PCDH15: variants seen among roughly 807,000 people sequenced by gnomAD.
The protein encoded by PCDH15 is protocadherin related 15.
In PCDH15, 129 loss-of-function variants were observed where a neutral mutation model predicts 178.5. The ratio of observed to expected loss-of-function variants is 0.72; its 90% confidence interval spans 0.63 to 0.84. The LOEUF (loss-of-function observed/expected upper bound fraction) is 0.84. Among genes scored for constraint, PCDH15 ranks in the 40% least tolerant of loss-of-function variants. The pLI, the probability that PCDH15 is intolerant of heterozygous loss-of-function variation, is 0.00. For synonymous variants in PCDH15, 800 were observed against 732.0 expected, an observed-to-expected ratio of 1.09 and a Z score of -1.50; for missense variants, 2,230 against 2,099.9, an observed-to-expected ratio of 1.06 and a Z score of -1.21.
intron 3 of PCDH15, among the ~76,000 whole-genome samples, chr10:54,426,825 A>G (rs2135934365): frequency 6.6e-6 from 1 of 152,192 alleles, no homozygotes; most frequent in South Asian, 2.1e-4. Flanking sequence ...AGTTATCAAA[A>G]TCTATCTACT....
At chr10:53,835,559 T>G (rs528550442) in intron 29 of PCDH15, among the ~76,000 whole-genome samples, 1 of 151,988 alleles carries the variant, frequency 6.6e-6, no homozygotes, top group Admixed American at 6.6e-5. Context: ...TGAGTGACAA[T>G]TAGGATAATT....
At chr10:55,183,780 T>G (rs1002706396) in intron 1 of PCDH15, among the ~76,000 whole-genome samples, 7 of 151,936 alleles carry the variant, frequency 4.6e-5, no homozygotes, top group Non-Finnish European at 1.0e-4. Flanking sequence ...GTATGTGGGA[T>G]GACCACACGT....
At chr10:55,625,774 C>A (rs535086877) in intron 2 of PCDH15, among the ~76,000 whole-genome samples, 1 of 152,266 alleles carries the variant, frequency 6.6e-6, no homozygotes. Flanking sequence ...CTTCTACACA[C>A]ACACTCTCTC....
At chr10:53,817,516 C>T (rs1263919144) in intron 34 of PCDH15, among the ~76,000 whole-genome samples, 29 of 131,774 alleles carry the variant, frequency 2.2e-4, no homozygotes, top group South Asian at 2.4e-4. Flanking sequence ...TTTTCTTTTT[C>T]TTTTTTTTTT....
chr10:54,227,566 T>C (rs1196913095), intron 9 of PCDH15, among the ~76,000 whole-genome samples: 1 of 152,184 alleles, frequency 6.6e-6, no homozygotes, highest in African/African-American at 2.4e-5. Context: ...GAGACGTTTT[T>C]CCCATTATCT....
intron 1 of PCDH15, among the ~76,000 whole-genome samples, chr10:55,191,045 G>A (rs1839931548): frequency 6.6e-6 from 1 of 151,634 alleles, no homozygotes; most frequent in Non-Finnish European, 1.5e-5. Context: ...AAGAGTTAAA[G>A]TAATATTGTT....
chr10:54,361,842 T>C (rs755350349), intron 5 of PCDH15, among the ~76,000 whole-genome samples: 3 of 152,120 alleles, frequency 2.0e-5, no homozygotes, highest in African/African-American at 4.8e-5. Flanking sequence ...ATTTTCTCTA[T>C]GTACTCAAGC....
At chr10:54,100,803 C>T (rs996284080) in intron 15 of PCDH15, among the ~76,000 whole-genome samples, 2 of 151,896 alleles carry the variant, frequency 1.3e-5, no homozygotes, top group Non-Finnish European at 2.9e-5. Flanking sequence ...GATAGTACAT[C>T]AAATTCCCGG....
chr10:54,712,902 A>G (rs1212274867), intron 1 of PCDH15, among the ~76,000 whole-genome samples: 1 of 152,086 alleles, frequency 6.6e-6, no homozygotes, highest in East Asian at 1.9e-4. Flanking sequence ...ACTATGCAGT[A>G]AAACAGATTT....
intron 2 of PCDH15, among the ~76,000 whole-genome samples, chr10:55,041,307 G>C (rs1021850665): frequency 1.8e-4 from 28 of 152,124 alleles, no homozygotes; most frequent in Admixed American, 1.8e-3. Context: ...AGTGAGAAAA[G>C]TTGTAGTGAC....
chr10:53,965,398 A>T (rs1027070863), intron 21 of PCDH15, among the ~76,000 whole-genome samples: 1 of 152,164 alleles, frequency 6.6e-6, no homozygotes, highest in Non-Finnish European at 1.5e-5. Flanking sequence ...CTAGGCTTTA[A>T]GAATTATCTT....
intron 1 of PCDH15, among the ~76,000 whole-genome samples, chr10:54,681,556 A>C (rs2094899206): frequency 6.6e-6 from 1 of 152,286 alleles, no homozygotes; most frequent in Non-Finnish European, 1.5e-5. Flanking sequence ...GAGGAAGATA[A>C]GGATTGAGGA....
intron 8 of PCDH15, among the ~76,000 whole-genome samples, chr10:54,304,870 T>G (rs1044910370): frequency 2.0e-5 from 3 of 151,928 alleles, no homozygotes; most frequent in African/African-American, 7.2e-5. Flanking sequence ...ATTTCCCTTT[T>G]TTTTTGTATG....
intron 2 of PCDH15, among the ~76,000 whole-genome samples, chr10:55,137,804 G>A (rs1203404860): frequency 6.6e-6 from 1 of 152,052 alleles, no homozygotes. Flanking sequence ...TAGAAAATGA[G>A]ATAACTACAG....
chr10:55,168,733 T>G (rs780436340), intron 1 of PCDH15, among the ~76,000 whole-genome samples: 4 of 152,170 alleles, frequency 2.6e-5, no homozygotes, highest in Non-Finnish European at 4.4e-5. Context: ...GGATAAAAGA[T>G]GAATGAAAGA....
At chr10:54,320,109 A>G (rs2061506995) in intron 7 of PCDH15, among the ~76,000 whole-genome samples, 1 of 152,150 alleles carries the variant, frequency 6.6e-6, no homozygotes. Context: ...ATTCAAACCT[A>G]AAGACATTTG....
At chr10:54,674,006 C>A (rs2094731433) in intron 1 of PCDH15, among the ~76,000 whole-genome samples, 1 of 152,098 alleles carries the variant, frequency 6.6e-6, no homozygotes. Flanking sequence ...TCAGAGGGGT[C>A]ATATTTCATA....
At chr10:54,779,412 A>ATATATATACACACACATATATGTGTG (rs1950045257) in intron 1 of PCDH15, among the ~76,000 whole-genome samples, 35 of 119,648 alleles carry the variant, frequency 2.9e-4, no homozygotes, top group African/African-American at 1.1e-3. Context: ...ATATGTATAT[A>ATATATATACACACACATATATGTGTG]TATATATATA....
At chr10:55,377,680 C>T (rs1046162593) in intron 2 of PCDH15, among the ~76,000 whole-genome samples, 1 of 152,010 alleles carries the variant, frequency 6.6e-6, no homozygotes, top group African/African-American at 2.4e-5. Context: ...CTGGTACTAA[C>T]CTTTTACCAC....
Sources: gnomAD v4.1 joint callset for allele counts (sites outside exome capture counted in the v4.1 genomes callset) on GRCh38, gnomAD v4.1.1 for gene constraint, MANE v1.5 for transcripts, NCBI Gene and HGNC (gene_info 2026-07-23, HGNC 2026-07-21) for gene names.